The following SUGCT variants were observed in gnomAD, a reference collection of about 807,000 sequenced individuals.
SUGCT encodes the protein succinyl-CoA:glutarate-CoA transferase.
SUGCT carries 41 observed loss-of-function variants against 55.0 expected under a neutral mutation model. The ratio of observed to expected loss-of-function variants is 0.74; its 90% CI spans 0.58 to 0.97. SUGCT has a LOEUF of 0.97. Ranked by LOEUF, SUGCT falls within the 50% of genes least tolerant of loss-of-function variation. The pLI is 0.00. For synonymous variants in SUGCT, 187 were observed against 200.4 expected (o/e 0.93, Z 0.56); for missense variants, 568 against 547.8 (o/e 1.04, Z -0.37).
intron 12 of SUGCT, among the ~76,000 whole-genome samples, chr7:40,687,407 C>A (rs1347207488): frequency 1.3e-5 from 2 of 151,940 alleles, no homozygotes; most frequent in Non-Finnish European, 1.5e-5. Flanking sequence ...CTTGAGGAGA[C>A]TTTCAATTTT....
intron 13 of SUGCT, among the ~76,000 whole-genome samples, chr7:40,758,383 C>T (rs1788363744): frequency 6.6e-6 from 1 of 151,684 alleles, no homozygotes; most frequent in South Asian, 2.1e-4. Context: ...AGCAAGCCAC[C>T]TTTTTATTTA....
intron 1 of SUGCT, among the ~76,000 whole-genome samples, chr7:40,144,773 G>A (rs986559011): frequency 1.3e-5 from 2 of 152,094 alleles, no homozygotes; most frequent in Non-Finnish European, 2.9e-5. Flanking sequence ...ATTTCCTTTA[G>A]CACCTATTTT....
chr7:40,835,433 C>T (rs1792912058), intron 13 of SUGCT, among the ~76,000 whole-genome samples: 1 of 152,166 alleles, frequency 6.6e-6, no homozygotes, highest in Non-Finnish European at 1.5e-5. Flanking sequence ...TATGATGGCT[C>T]CTACAAGCAC....
At chr7:40,794,427 A>G (rs2128746907) in intron 13 of SUGCT, among the ~76,000 whole-genome samples, 1 of 152,244 alleles carries the variant, frequency 6.6e-6, no homozygotes, top group South Asian at 2.1e-4. Flanking sequence ...GGTTCTTGCC[A>G]TTGTTCCATG....
the SUGCT span, among the ~76,000 whole-genome samples, chr7:40,887,048 G>T: frequency 6.6e-6 from 1 of 152,148 alleles, no homozygotes. Context: ...GAAATGGCAG[G>T]GAGTCCTAAG....
At chr7:40,156,700 A>G (rs1367369973) in intron 1 of SUGCT, among the ~76,000 whole-genome samples, 2 of 152,160 alleles carry the variant, frequency 1.3e-5, no homozygotes, top group Non-Finnish European at 2.9e-5. Context: ...TATTTTAGGT[A>G]GATGTCAGGT....
intron 8 of SUGCT, among the ~76,000 whole-genome samples, chr7:40,303,200 AT>A (rs1340122050): frequency 2.6e-5 from 4 of 151,536 alleles, no homozygotes; most frequent in Non-Finnish European, 5.9e-5. Context: ...CGCCTGGCTA[AT>A]TTTTGTGTTT....
intron 9 of SUGCT, among the ~76,000 whole-genome samples, chr7:40,441,600 A>C (rs1562779635): frequency 6.6e-6 from 1 of 152,216 alleles, no homozygotes. Context: ...TGCAGTCCAG[A>C]AATTCATGTA....
rs535242650 is a variant in SUGCT, at chr7:40,440,809, G to A, written c.817-8478G>A. On this transcript the variant is annotated intron_variant, in intron 9 of 13. Transcript: ENST00000335693. ...GAAGCCAGGATTTTGAGACCAGCCT[G>A]TGCAACACAGTGAGACTCCATCTGA... Among the ~76,000 whole-genome samples the A allele has an allele frequency of 2.4e-3, 368 of 152,182 alleles. 2 individuals are homozygous for A. Among genetic ancestry groups the A allele is most frequent in the African/African-American group, 8.4e-3 (348 of 41,542 alleles).
At chr7:40,203,922 T>TA (rs373441411) in intron 6 of SUGCT, among the ~76,000 whole-genome samples, 89 of 152,270 alleles carry the variant, frequency 5.8e-4, no homozygotes, top group Middle Eastern at 3.4e-3. Flanking sequence ...TTTCCTGCTA[T>TA]AAAAAATCAA....
At chr7:40,432,287 A>G (rs1787931744) in intron 9 of SUGCT, among the ~76,000 whole-genome samples, 1 of 152,188 alleles carries the variant, frequency 6.6e-6, no homozygotes, top group South Asian at 2.1e-4. Flanking sequence ...CTTTCAATAC[A>G]TTATCCTATT....
intron 13 of SUGCT, among the ~76,000 whole-genome samples, chr7:40,776,809 C>G (rs1343078298): frequency 6.6e-6 from 1 of 152,172 alleles, no homozygotes; most frequent in Non-Finnish European, 1.5e-5. Flanking sequence ...ATCCCAGGCT[C>G]TTTCCTACCA....
chr7:40,606,871 T>A (rs1291170910), intron 12 of SUGCT, among the ~76,000 whole-genome samples: 1 of 152,196 alleles, frequency 6.6e-6, no homozygotes, highest in African/African-American at 2.4e-5. Flanking sequence ...GAGTCCTTTT[T>A]GGGTGGGCCT....
chr7:40,936,479 C>G, the SUGCT span, among the ~76,000 whole-genome samples: 1 of 151,720 alleles, frequency 6.6e-6, no homozygotes, highest in East Asian at 1.9e-4. Flanking sequence ...TGAGTCTTCT[C>G]TCTTTTATTC....
intron 12 of SUGCT, among the ~76,000 whole-genome samples, chr7:40,645,032 T>C (rs1408499074): frequency 6.6e-6 from 1 of 152,164 alleles, no homozygotes; most frequent in Admixed American, 6.5e-5. Flanking sequence ...TGCAGGCCTT[T>C]TAATCTCATG....
At chr7:40,262,770 T>C (rs962792785) in intron 7 of SUGCT, among the ~76,000 whole-genome samples, 1 of 152,158 alleles carries the variant, frequency 6.6e-6, no homozygotes, top group Admixed American at 6.6e-5. Context: ...CTTTAGTGAT[T>C]GTCTGAAAAG....
At chr7:40,454,496 G>A (rs1194474804) in intron 10 of SUGCT, among the ~76,000 whole-genome samples, 5 of 152,088 alleles carry the variant, frequency 3.3e-5, no homozygotes, top group Non-Finnish European at 7.4e-5. Flanking sequence ...AGGCTATATG[G>A]GATAGCCTAT....
the SUGCT span, among the ~76,000 whole-genome samples, chr7:40,959,039 G>A: frequency 6.6e-5 from 10 of 152,304 alleles, no homozygotes; most frequent in Admixed American, 3.3e-4. Context: ...TCCTCTGGAA[G>A]CTTCATCCCA....
chr7:40,961,050 A>G, the SUGCT span, among the ~76,000 whole-genome samples: 2 of 152,236 alleles, frequency 1.3e-5, no homozygotes, highest in African/African-American at 2.4e-5. Context: ...GCACATACAC[A>G]TACACATGAT....
Sources: gnomAD v4.1 joint callset for allele counts (sites outside exome capture counted in the v4.1 genomes callset) on GRCh38, gnomAD v4.1.1 for gene constraint, MANE v1.5 for transcripts, NCBI Gene and HGNC (gene_info 2026-07-23, HGNC 2026-07-21) for gene names.